Variants in LRBA observed in about 807,000 individuals in gnomAD.
The protein encoded by LRBA is LPS responsive beige-like anchor protein, also known as lipopolysaccharide-responsive and beige-like anchor protein.
LRBA carries 176 observed loss-of-function variants against 330.0 expected under a neutral mutation model. The observed-to-expected ratio is 0.53, with a 90% CI of 0.47 to 0.60. LRBA has a LOEUF of 0.60. LRBA is among the 20% of genes least tolerant of loss of function. The probability of loss-of-function intolerance (pLI) is 0.00; values close to 1 mark genes in which losing one functional copy is unlikely to be tolerated. For synonymous variants in LRBA, 1,230 were observed against 1,193.0 expected (o/e 1.03, Z -0.64); for missense variants, 3,259 against 3,444.8 (o/e 0.95, Z 1.35).
intron 8 of LRBA, among the ~76,000 whole-genome samples, chr4:150,914,967 C>CTTACCT (rs1350901311): frequency 6.6e-6 from 1 of 151,992 alleles, no homozygotes; most frequent in African/African-American, 2.4e-5. Flanking sequence ...TAAGGTCATG[C>CTTACCT]AGTCAATAAA....
chr4:150,720,747 G>A (rs959611248), intron 36 of LRBA, among the ~76,000 whole-genome samples: 2 of 152,136 alleles, frequency 1.3e-5, no homozygotes, highest in Non-Finnish European at 2.9e-5. Context: ...AAGAAACTAT[G>A]TCCCAGGATA....
At chr4:150,320,561 C>CT (rs1210993464) in intron 50 of LRBA, among the ~76,000 whole-genome samples, 1 of 152,118 alleles carries the variant, frequency 6.6e-6, no homozygotes, top group Non-Finnish European at 1.5e-5. Flanking sequence ...AATCCCAACA[C>CT]TTTAAGAGGC....
At chr4:150,952,291 G>A (rs1736921128) in intron 2 of LRBA, among the ~76,000 whole-genome samples, 1 of 152,060 alleles carries the variant, frequency 6.6e-6, no homozygotes, top group African/African-American at 2.4e-5. Flanking sequence ...TATAGAGAGA[G>A]AGATAGGTAG....
intron 37 of LRBA, among the ~76,000 whole-genome samples, chr4:150,615,139 C>A (rs1775646818): frequency 6.6e-6 from 1 of 152,176 alleles, no homozygotes; most frequent in African/African-American, 2.4e-5. Flanking sequence ...CTGAGGCAGA[C>A]ACACTTGGTG....
At chr4:150,422,920 C>T (rs1581262728) in intron 46 of LRBA, 1 of 806,026 alleles carries the variant, frequency 1.2e-6, no homozygotes, top group East Asian at 2.4e-5. Flanking sequence ...GGGATGGATG[C>T]CAGCTCTGTA....
chr4:150,750,158 A>G (rs1281157038), intron 35 of LRBA, among the ~76,000 whole-genome samples: 1 of 152,216 alleles, frequency 6.6e-6, no homozygotes, highest in Non-Finnish European at 1.5e-5. Flanking sequence ...CTCTCATAAC[A>G]TTATCCTGCT....
chr4:150,271,720 C>T (rs1032058880), intron 56 of LRBA, among the ~76,000 whole-genome samples: 2 of 152,196 alleles, frequency 1.3e-5, no homozygotes, highest in East Asian at 3.8e-4. Context: ...GTTTTACCCT[C>T]ACGGTGTAAA....
chr4:150,764,748 A>T (rs1363580159), intron 34 of LRBA, among the ~76,000 whole-genome samples: 2 of 152,082 alleles, frequency 1.3e-5, no homozygotes, highest in African/African-American at 4.8e-5. Flanking sequence ...AATGGCCAAA[A>T]TCCAGTACAC....
intron 44 of LRBA, among the ~76,000 whole-genome samples, chr4:150,465,977 T>C (rs1042006382): frequency 2.6e-5 from 4 of 151,940 alleles, no homozygotes; most frequent in African/African-American, 9.7e-5. Context: ...ATAACAAGTA[T>C]ATGGAAAGTA....
At chr4:150,961,780 A>G (rs1025080594) in intron 2 of LRBA, among the ~76,000 whole-genome samples, 3 of 149,482 alleles carry the variant, frequency 2.0e-5, no homozygotes, top group Admixed American at 6.6e-5. Context: ...TGCTAGATGA[A>G]GAAGAGAACA....
chr4:150,903,724 T>TG (rs1731013136), intron 13 of LRBA, among the ~76,000 whole-genome samples: 2 of 152,012 alleles, frequency 1.3e-5, no homozygotes, highest in Non-Finnish European at 2.9e-5. Flanking sequence ...AGACCCTGCG[T>TG]CAAAAAAATA....
In LRBA at chr4:150,492,436, A is replaced by C. The variant is rs184485068; in HGVS notation, c.6331-1401T>G. Among the ~76,000 whole-genome samples, 226 of 152,258 alleles carry C rather than the reference A, an allele frequency of 1.5e-3. 1 individual carries two copies. Among genetic ancestry groups the C allele is most frequent in the African/African-American group, 5.1e-3 (214 of 41,554 alleles). The stretch of plus-strand genomic sequence containing the variant: ...GCCTATGTAAAATAAAGGTAAATGA[A>C]CAGGAAACGAGAGGACAAAAATATG... On this transcript the variant is annotated intron_variant, in intron 40 of 56. Transcript: ENST00000651943.
chr4:150,639,873 T>G (rs1190259018), intron 37 of LRBA, among the ~76,000 whole-genome samples: 1 of 81,602 alleles, frequency 1.2e-5, no homozygotes, highest in Non-Finnish European at 2.4e-5. Flanking sequence ...ATATATATAT[T>G]TAGATGGAGT....
Position 150,844,117 on chromosome 4 carries a change from C to A in LRBA, c.4552G>T (p.Val1518Phe), listed in dbSNP as rs1749493670. 6.2e-7 allele frequency: 1 copy of A among 1,607,014 alleles called. No individual in the cohort carries two copies. The highest frequency in any genetic ancestry group is 1.7e-5 in the Admixed American group (1 of 59,934). Residue 1518 changes from valine (V) to phenylalanine (F), a missense_variant, in exon 28 of 57, where the codon GTT becomes TTT. By Grantham distance (50) the Val-to-Phe change is conservative. Coordinates refer to ENST00000651943, the MANE Select transcript of LRBA (RefSeq NM_001364905.1). ...TAACTTACTATGTCTCTGAAAACAA[C>A]TGCCCTAAGCCGATTAATATCCATG... is the stretch of plus-strand genomic sequence containing the variant. ...QDMDINRLRAVVFRDIEDSKQ... is the reference protein window; with the variant it reads ...QDMDINRLRAFVFRDIEDSKQ...
At chr4:150,636,269 T>A (rs1211767637) in intron 37 of LRBA, among the ~76,000 whole-genome samples, 2 of 151,996 alleles carry the variant, frequency 1.3e-5, no homozygotes, top group African/African-American at 2.4e-5. Flanking sequence ...TTCATCAAAC[T>A]TTCCATTTGT....
At chr4:150,849,090 A>G (rs1750263696) in intron 25 of LRBA, 92 bp from the exon 26 acceptor site, 1 of 833,152 alleles carries the variant, frequency 1.2e-6, no homozygotes, top group African/African-American at 1.8e-5. Flanking sequence ...TTGCATAAGT[A>G]GTCAGACTTT....
rs151165043 is a variant in LRBA, at chr4:150,852,532, T to C, written c.3178A>G (p.Ile1060Val). The change falls in exon 23 of 57, where the codon ATT (isoleucine) becomes GTT (valine). Residue 1060 changes from isoleucine to valine, a missense_variant. Ile to Val is a conservative substitution (Grantham distance 29). Coordinates refer to ENST00000651943, the MANE Select transcript of LRBA (RefSeq NM_001364905.1). ...VSSDIIEAVA[I>V]SSNSFITTGK... is the part of the protein sequence containing the mutation. ...GTTGTTATAAAAGAATTAGAGGAAA[T>C]AGCCACAGCTTCTATTATGTCAGAA... The C allele has an allele frequency of 3.8e-5, 61 of 1,613,728 alleles. No individual in the cohort carries two copies. The highest frequency in any genetic ancestry group is 5.0e-5 in the Non-Finnish European group (59 of 1,179,972).
At chr4:150,817,006 GTA>G in intron 31 of LRBA, 116 bp downstream of exon 31, 1 of 775,578 alleles carries the variant, frequency 1.3e-6, no homozygotes, top group Admixed American at 2.3e-5. Flanking sequence ...ACAATCAACA[GTA>G]TAAAAGTACA....
intron 37 of LRBA, among the ~76,000 whole-genome samples, chr4:150,647,500 A>G (rs1779273542): frequency 6.6e-6 from 1 of 150,726 alleles, no homozygotes; most frequent in South Asian, 2.1e-4. Flanking sequence ...CAGGGACCAC[A>G]GGTGCATACC....
Sources: gnomAD v4.1 joint callset for allele counts (sites outside exome capture counted in the v4.1 genomes callset) on GRCh38, gnomAD v4.1.1 for gene constraint, MANE v1.5 for transcripts, NCBI Gene and HGNC (gene_info 2026-07-23, HGNC 2026-07-21) for gene names.